ZNF184: variants seen among roughly 807,000 people sequenced by gnomAD.
The protein encoded by ZNF184 is zinc finger protein 184.
Under a neutral mutation model 54.4 loss-of-function variants are expected in ZNF184, and 16 were observed. That is an observed-to-expected ratio of 0.29 (90% CI 0.20 to 0.45). The LOEUF is 0.45. ZNF184 is among the 20% of genes least tolerant of loss of function. The pLI, the probability that ZNF184 is intolerant of heterozygous loss-of-function variation, is 1.00. For synonymous variants in ZNF184, 254 were observed against 295.3 expected (o/e 0.86, Z 1.43); for missense variants, 681 against 888.2 (o/e 0.77, Z 2.97).
intron 5 of ZNF184, 86 bp downstream of exon 5, chr6:27,456,740 A>T: frequency 1.8e-6 from 2 of 1,136,758 alleles, no homozygotes; most frequent in Non-Finnish European, 2.6e-6. Flanking sequence ...GGAAGAAAGT[A>T]CATCTACACT....
At chr6:27,409,988 T>C in the ZNF184 span, among the ~76,000 whole-genome samples, 2 of 152,226 alleles carry the variant, frequency 1.3e-5, no homozygotes, top group African/African-American at 4.8e-5. Context: ...GATACACAAA[T>C]ATTTACCATT....
chr6:27,442,456 C>T, the ZNF184 span, among the ~76,000 whole-genome samples: 1 of 151,484 alleles, frequency 6.6e-6, no homozygotes, highest in African/African-American at 2.4e-5. Context: ...CCTGTCTCTA[C>T]AAAAAATAAA....
the ZNF184 span, among the ~76,000 whole-genome samples, chr6:27,438,352 A>C: frequency 1.3e-5 from 2 of 152,240 alleles, no homozygotes; most frequent in Admixed American, 1.3e-4. Flanking sequence ...TTGTTAAATA[A>C]ATAAGAAAAA....
chr6:27,463,782 A>C (rs1763058419), intron 3 of ZNF184, among the ~76,000 whole-genome samples: 1 of 152,174 alleles, frequency 6.6e-6, no homozygotes, highest in African/African-American at 2.4e-5. Flanking sequence ...TCAAATACTG[A>C]AAAGAAGAAA....
the ZNF184 span, among the ~76,000 whole-genome samples, chr6:27,416,793 T>G: frequency 6.6e-6 from 1 of 152,220 alleles, no homozygotes; most frequent in South Asian, 2.1e-4. Flanking sequence ...ACTTTGGAAT[T>G]TTTAAAGTAA....
chr6:27,460,296 G>A (rs921341378), intron 3 of ZNF184, among the ~76,000 whole-genome samples: 3 of 152,152 alleles, frequency 2.0e-5, no homozygotes, highest in African/African-American at 7.2e-5. Context: ...TTATTGCTAT[G>A]TATTTAAAAC....
chr6:27,423,513 A>T, the ZNF184 span, among the ~76,000 whole-genome samples: 1 of 152,152 alleles, frequency 6.6e-6, no homozygotes, highest in Non-Finnish European at 1.5e-5. Flanking sequence ...TCATTATAAT[A>T]ATTCAGCCCA....
the ZNF184 span, among the ~76,000 whole-genome samples, chr6:27,410,451 AT>A: frequency 6.6e-6 from 1 of 152,168 alleles, no homozygotes; most frequent in Admixed American, 6.5e-5. Flanking sequence ...GAAATTGGTG[AT>A]TTGGAATTTC....
chr6:27,441,060 T>A, the ZNF184 span, among the ~76,000 whole-genome samples: 1 of 152,054 alleles, frequency 6.6e-6, no homozygotes, highest in African/African-American at 2.4e-5. Context: ...CAAACTATCA[T>A]GAAATTTAAA....
At chr6:27,457,468 G>C in intron 3 of ZNF184, 59 bp from the exon 4 acceptor site, 1 of 1,588,536 alleles carries the variant, frequency 6.3e-7, no homozygotes, top group East Asian at 2.2e-5. Flanking sequence ...AAGGGGTAAA[G>C]TTAGCAATAC....
At chr6:27,455,038 A>C (rs1034977064) in intron 5 of ZNF184, among the ~76,000 whole-genome samples, 1 of 152,214 alleles carries the variant, frequency 6.6e-6, no homozygotes, top group African/African-American at 2.4e-5. Context: ...GACTAGGCCC[A>C]GGGCTAGTGG....
At chr6:27,471,549 C>T (rs1465289701) in intron 2 of ZNF184, among the ~76,000 whole-genome samples, 5 of 152,126 alleles carry the variant, frequency 3.3e-5, no homozygotes, top group Non-Finnish European at 7.4e-5. Context: ...CAAAGCACAT[C>T]CAAAGAGCTA....
the ZNF184 span, among the ~76,000 whole-genome samples, chr6:27,421,981 G>A: frequency 6.6e-6 from 1 of 151,588 alleles, no homozygotes; most frequent in Non-Finnish European, 1.5e-5. Flanking sequence ...TGAGGTGGGA[G>A]GATCGATTGA....
chr6:27,451,800 T>G lies in ZNF184; in HGVS notation c.1759A>C (p.Lys587Gln), dbSNP rs1162954932. ...AATGCTCTCCCACACTCATTACACT[T>G]GTAAGGTCGTTCTCCAGTATGGATC... Reference protein sequence around the residue: ...RKIHTGERPYKCNECGRAFNQ... With the variant: ...RKIHTGERPYQCNECGRAFNQ... Residue 587 changes from lysine (K) to glutamine (Q), a missense_variant, in exon 6 of 6, where the codon AAG becomes CAG. Coordinates refer to ENST00000683788, the MANE Select transcript of ZNF184 (RefSeq NM_001318891.2). 2 of 1,613,830 alleles carry G rather than the reference T, an allele frequency of 1.2e-6. No individual in the cohort carries two copies. The highest frequency in any genetic ancestry group is 2.7e-5 in the African/African-American group (2 of 74,932).
the ZNF184 span, among the ~76,000 whole-genome samples, chr6:27,422,156 G>GAA: frequency 1.5e-4 from 4 of 26,388 alleles, no homozygotes; most frequent in East Asian, 2.8e-3. Flanking sequence ...AAAAAAGAAA[G>GAA]AAAGAAAGAA....
At chr6:27,445,721 C>CAAAAAAAAAAAAAAAAAAA in the ZNF184 span, among the ~76,000 whole-genome samples, 1 of 129,244 alleles carries the variant, frequency 7.7e-6, no homozygotes. Flanking sequence ...TCTGTTATAG[C>CAAAAAAAAAAAAAAAAAAA]AAAAAAAAAA....
the ZNF184 span, among the ~76,000 whole-genome samples, chr6:27,417,874 A>T: frequency 6.6e-6 from 1 of 152,226 alleles, no homozygotes; most frequent in Admixed American, 6.5e-5. Context: ...AGCACTCCAC[A>T]ATCTACAACC....
chr6:27,433,074 T>C, the ZNF184 span, among the ~76,000 whole-genome samples: 105 of 152,334 alleles, frequency 6.9e-4, no homozygotes, highest in African/African-American at 2.1e-3. Flanking sequence ...AGCCTTCAAG[T>C]CTTCCAACTG....
At chr6:27,467,741 C>T in intron 3 of ZNF184, 112 bp downstream of exon 3, 1 of 995,320 alleles carries the variant, frequency 1.0e-6, no homozygotes, top group Non-Finnish European at 1.5e-6. Context: ...GATGAGAGCC[C>T]AGAATGAACT....
Sources: gnomAD v4.1 joint callset for allele counts (sites outside exome capture counted in the v4.1 genomes callset) on GRCh38, gnomAD v4.1.1 for gene constraint, MANE v1.5 for transcripts, NCBI Gene and HGNC (gene_info 2026-07-23, HGNC 2026-07-21) for gene names.